KCTD8: variants seen among roughly 807,000 people sequenced by gnomAD.
KCTD8 encodes the protein potassium channel tetramerization domain containing 8.
KCTD8 carries 27 observed loss-of-function variants against 31.5 expected under a neutral mutation model. That is an observed-to-expected ratio of 0.86 (90% CI 0.63 to 1.18). KCTD8 has a LOEUF of 1.18. Ranked by LOEUF, KCTD8 falls within the 50% of genes most tolerant of loss-of-function variation. The pLI is 0.00. For synonymous variants in KCTD8, 290 were observed against 280.0 expected (o/e 1.04, Z -0.36); for missense variants, 658 against 647.7 (o/e 1.02, Z -0.17).
intron 1 of KCTD8, among the ~76,000 whole-genome samples, chr4:44,239,530 GCAGGGTGCTGTGTAAGACTT>G (rs1397851697): frequency 6.6e-6 from 1 of 152,136 alleles, no homozygotes. Context: ...TTATTCATAG[GCAGGGTGCTGTGTAAGACTT>G]CACTGCTTGA....
chr4:44,381,902 T>C (rs1320647888), intron 1 of KCTD8, among the ~76,000 whole-genome samples: 1 of 151,752 alleles, frequency 6.6e-6, no homozygotes, highest in Admixed American at 6.6e-5. Context: ...CATGAGCCAA[T>C]TAAACCTATT....
At chr4:44,250,242 T>G (rs1385538886) in intron 1 of KCTD8, among the ~76,000 whole-genome samples, 1 of 151,762 alleles carries the variant, frequency 6.6e-6, no homozygotes, top group Non-Finnish European at 1.5e-5. Flanking sequence ...GAATGTTATG[T>G]TTTCACCAGA....
chr4:44,343,816 T>C (rs1331949496), intron 1 of KCTD8, among the ~76,000 whole-genome samples: 1 of 152,134 alleles, frequency 6.6e-6, no homozygotes, highest in Admixed American at 6.5e-5. Flanking sequence ...TACCTGAAAA[T>C]TAACTGATCA....
intron 1 of KCTD8, among the ~76,000 whole-genome samples, chr4:44,352,781 T>C (rs1719236037): frequency 6.6e-6 from 1 of 151,874 alleles, no homozygotes. Context: ...TAGGTTATCA[T>C]TAGGCACCTT....
chr4:44,375,533 G>A (rs961349780), intron 1 of KCTD8, among the ~76,000 whole-genome samples: 2 of 152,050 alleles, frequency 1.3e-5, no homozygotes, highest in Admixed American at 6.6e-5. Flanking sequence ...AGACCCCTGG[G>A]CTTCCACAGT....
chr4:44,363,860 G>A (rs1044984929), intron 1 of KCTD8, among the ~76,000 whole-genome samples: 3 of 151,808 alleles, frequency 2.0e-5, no homozygotes, highest in Admixed American at 6.6e-5. Context: ...AACCATTTGC[G>A]GTGCTTGAAA....
chr4:44,408,159 C>A (rs953008880), intron 1 of KCTD8, among the ~76,000 whole-genome samples: 5 of 152,140 alleles, frequency 3.3e-5, no homozygotes, highest in African/African-American at 1.2e-4. Context: ...GGCTTCATTA[C>A]CTGCAATACA....
intron 1 of KCTD8, among the ~76,000 whole-genome samples, chr4:44,410,326 CAAT>C (rs1720925064): frequency 6.6e-6 from 1 of 152,160 alleles, no homozygotes; most frequent in African/African-American, 2.4e-5. Context: ...ATACTAATCA[CAAT>C]AATAATAAAC....
chr4:44,445,932 A>G (rs1326809461), intron 1 of KCTD8, among the ~76,000 whole-genome samples: 1 of 152,242 alleles, frequency 6.6e-6, no homozygotes, highest in African/African-American at 2.4e-5. Context: ...TCAATTTTAT[A>G]CAAGCAATAA....
At chr4:44,260,472 G>GA (rs1716129778) in intron 1 of KCTD8, among the ~76,000 whole-genome samples, 1 of 151,844 alleles carries the variant, frequency 6.6e-6, no homozygotes, top group Admixed American at 6.6e-5. Flanking sequence ...AAACATTGAA[G>GA]AAAAAATAAG....
chr4:44,406,215 G>A (rs1270146542), intron 1 of KCTD8, among the ~76,000 whole-genome samples: 1 of 151,944 alleles, frequency 6.6e-6, no homozygotes, highest in East Asian at 1.9e-4. Context: ...TGGCACCCAG[G>A]GTATATGAAG....
At chr4:44,347,440 A>T (rs763738787) in intron 1 of KCTD8, among the ~76,000 whole-genome samples, 50 of 152,182 alleles carry the variant, frequency 3.3e-4, no homozygotes, top group Non-Finnish European at 6.6e-4. Context: ...AGAAACCAAG[A>T]GCCAATGGCT....
At chr4:44,439,547 C>T (rs772602790) in intron 1 of KCTD8, among the ~76,000 whole-genome samples, 1 of 151,930 alleles carries the variant, frequency 6.6e-6, no homozygotes, top group African/African-American at 2.4e-5. Flanking sequence ...TACTTTGACA[C>T]AAGGTTAAGA....
At chr4:44,238,204 C>T (rs1418658231) in intron 1 of KCTD8, among the ~76,000 whole-genome samples, 1 of 151,984 alleles carries the variant, frequency 6.6e-6, no homozygotes, top group African/African-American at 2.4e-5. Flanking sequence ...CCCCGCCCTA[C>T]ACTAGTCAAC....
chr4:44,248,915 T>C (rs1715743869), intron 1 of KCTD8, among the ~76,000 whole-genome samples: 2 of 151,852 alleles, frequency 1.3e-5, no homozygotes, highest in South Asian at 4.1e-4. Flanking sequence ...AAAAACTCTC[T>C]TGTGCCGGAA....
intron 1 of KCTD8, among the ~76,000 whole-genome samples, chr4:44,300,362 A>G (rs1421796665): frequency 2.0e-5 from 3 of 152,184 alleles, no homozygotes; most frequent in Non-Finnish European, 4.4e-5. Context: ...ATATTCATGT[A>G]CATCATGAGA....
At chr4:44,428,422 G>C (rs1369103506) in intron 1 of KCTD8, among the ~76,000 whole-genome samples, 1 of 151,594 alleles carries the variant, frequency 6.6e-6, no homozygotes, top group Non-Finnish European at 1.5e-5. Flanking sequence ...TTTGCCTCCA[G>C]TCAATTAATA....
At chr4:44,283,070 ATTATTG>A (rs1382773298) in intron 1 of KCTD8, among the ~76,000 whole-genome samples, 11 of 126,884 alleles carry the variant, frequency 8.7e-5, no homozygotes, top group Non-Finnish European at 1.8e-4. Context: ...TATTATTATT[ATTATTG>A]AGACAGAGTC....
intron 1 of KCTD8, among the ~76,000 whole-genome samples, chr4:44,223,877 T>C (rs568316947): frequency 2.6e-4 from 39 of 152,324 alleles, no homozygotes; most frequent in African/African-American, 9.4e-4. Context: ...TTATGACTAC[T>C]TTCATACTAC....
Sources: allele counts gnomAD v4.1 joint callset (sites outside exome capture counted in the v4.1 genomes callset), GRCh38; gene constraint gnomAD v4.1.1; transcripts MANE v1.5; gene names NCBI Gene and HGNC (gene_info 2026-07-23, HGNC 2026-07-21).